Variants in AIM2 observed in about 807,000 individuals in gnomAD.
The protein encoded by AIM2 is interferon-inducible protein AIM2.
Under a neutral mutation model 27.7 loss-of-function variants are expected in AIM2, and 30 were observed. The ratio of observed to expected loss-of-function variants is 1.08; its 90% CI spans 0.81 to 1.47. The LOEUF (loss-of-function observed/expected upper bound fraction) is 1.47. Ranked by LOEUF, AIM2 falls within the 40% of genes most tolerant of loss-of-function variation. The pLI is 0.00. For synonymous variants in AIM2, 141 were observed against 145.3 expected, an observed-to-expected ratio of 0.97 and a Z score of 0.21; for missense variants, 358 against 411.3, an observed-to-expected ratio of 0.87 and a Z score of 1.12.
At chr1:159,070,453 G>A (rs1202469443) in intron 2 of AIM2, among the ~76,000 whole-genome samples, 3 of 152,138 alleles carry the variant, frequency 2.0e-5, no homozygotes, top group Non-Finnish European at 4.4e-5. Context: ...ATATGTTATC[G>A]TGAAAAGCCA....
chr1:159,106,517 T>G (rs1311603053), intron 1 of AIM2, among the ~76,000 whole-genome samples: 2 of 152,242 alleles, frequency 1.3e-5, no homozygotes, highest in South Asian at 2.1e-4. Flanking sequence ...AAGAAAAAAT[T>G]TTTCTCTTTC....
chr1:159,057,990 C>T (rs1409676686), downstream of AIM2, among the ~76,000 whole-genome samples: 1 of 152,136 alleles, frequency 6.6e-6, no homozygotes, highest in African/African-American at 2.4e-5. Flanking sequence ...TCCTCAAATG[C>T]CTGTGAGTTG....
intron 3 of AIM2, among the ~76,000 whole-genome samples, chr1:159,067,232 T>C (rs1656142979): frequency 6.6e-6 from 1 of 152,152 alleles, no homozygotes; most frequent in Non-Finnish European, 1.5e-5. Context: ...TTTACCAACA[T>C]CAATGTATTT....
chr1:159,105,358 C>T (rs1254223910), intron 1 of AIM2, among the ~76,000 whole-genome samples: 1 of 152,190 alleles, frequency 6.6e-6, no homozygotes, highest in Non-Finnish European at 1.5e-5. Context: ...GCCCGTGGAC[C>T]CCCTTGGTCT....
At chr1:159,125,135 T>A (rs2102044011) in intron 1 of AIM2, among the ~76,000 whole-genome samples, 1 of 152,248 alleles carries the variant, frequency 6.6e-6, no homozygotes, top group African/African-American at 2.4e-5. Flanking sequence ...GAGTATGTTG[T>A]GAGTTGGTAA....
At chr1:159,066,807 G>A (rs1217819018) in intron 3 of AIM2, among the ~76,000 whole-genome samples, 1 of 152,156 alleles carries the variant, frequency 6.6e-6, no homozygotes, top group African/African-American at 2.4e-5. Context: ...AATTCCTAGG[G>A]AGCATTGTAC....
intron 1 of AIM2, among the ~76,000 whole-genome samples, chr1:159,105,055 T>G (rs1280949040): frequency 6.6e-6 from 1 of 152,170 alleles, no homozygotes; most frequent in African/African-American, 2.4e-5. Context: ...AGGCTGTGCT[T>G]GGCCTACACT....
chr1:159,060,505 A>G (rs1435495024), downstream of AIM2, among the ~76,000 whole-genome samples: 1 of 152,224 alleles, frequency 6.6e-6, no homozygotes, highest in Non-Finnish European at 1.5e-5. Flanking sequence ...AAAAGTTAAG[A>G]TAGAGAATAG....
chr1:159,098,683 G>A (rs1202356873), intron 1 of AIM2, among the ~76,000 whole-genome samples: 2 of 152,170 alleles, frequency 1.3e-5, no homozygotes, highest in Non-Finnish European at 2.9e-5. Flanking sequence ...GTAAGAGATA[G>A]GGATTAGAGA....
intron 2 of AIM2, among the ~76,000 whole-genome samples, chr1:159,073,013 C>A (rs529143628): frequency 6.6e-6 from 1 of 152,256 alleles, no homozygotes; most frequent in Non-Finnish European, 1.5e-5. Context: ...AACCCTAAGG[C>A]TGGAAGAAGA....
intron 1 of AIM2, among the ~76,000 whole-genome samples, chr1:159,087,573 C>CTTTTT (rs55908329): frequency 8.6e-6 from 1 of 116,818 alleles, no homozygotes; most frequent in Non-Finnish European, 1.9e-5. Context: ...TGGATAAAGT[C>CTTTTT]TTTTTTTTTT....
At chr1:159,108,938 G>A (rs761985786) in intron 1 of AIM2, among the ~76,000 whole-genome samples, 2 of 152,120 alleles carry the variant, frequency 1.3e-5, no homozygotes, top group Non-Finnish European at 2.9e-5. Context: ...GGGATGGGTA[G>A]AATTAAAATT....
intron 1 of AIM2, among the ~76,000 whole-genome samples, chr1:159,135,912 C>T (rs916721820): frequency 1.3e-5 from 2 of 152,166 alleles, no homozygotes; most frequent in African/African-American, 4.8e-5. Context: ...TAGTCTAATT[C>T]CATCTCTGTA....
At chr1:159,111,806 A>C (rs79933529) in intron 1 of AIM2, among the ~76,000 whole-genome samples, 3 of 144,424 alleles carry the variant, frequency 2.1e-5, no homozygotes, top group Non-Finnish European at 4.6e-5. Context: ...AAAAAAAAAA[A>C]AAAAAAAACT....
At chr1:159,068,763 CA>C in intron 2 of AIM2, 62 bp from the exon 3 acceptor site, 1 of 1,484,888 alleles carries the variant, frequency 6.7e-7, no homozygotes, top group Non-Finnish European at 9.2e-7. Flanking sequence ...TGCACATTTT[CA>C]AATGTCACCA....
At chr1:159,081,710 CT>C, upstream of AIM2, 1 of 222,466 alleles carries the variant, frequency 4.5e-6, no homozygotes. Flanking sequence ...ATTAAGTTAA[CT>C]TTAAAAAAAG....
intron 1 of AIM2, among the ~76,000 whole-genome samples, chr1:159,123,138 A>G (rs1335782151): frequency 1.3e-5 from 2 of 152,232 alleles, no homozygotes; most frequent in Non-Finnish European, 2.9e-5. Flanking sequence ...TAGTAAGACT[A>G]ATAAAATCTC....
chr1:159,061,962 G>A (rs1655852755), downstream of AIM2, among the ~76,000 whole-genome samples: 1 of 152,150 alleles, frequency 6.6e-6, no homozygotes, highest in Admixed American at 6.5e-5. Flanking sequence ...AGCTGTTTAT[G>A]AAAAGCCAAT....
At chr1:159,138,957 C>A (rs1291447257) in intron 1 of AIM2, among the ~76,000 whole-genome samples, 1 of 152,178 alleles carries the variant, frequency 6.6e-6, no homozygotes, top group African/African-American at 2.4e-5. Flanking sequence ...CTTTAAAATA[C>A]AGTAATTATG....
Sources: allele counts gnomAD v4.1 joint callset (sites outside exome capture counted in the v4.1 genomes callset), GRCh38; gene constraint gnomAD v4.1.1; transcripts MANE v1.5; gene names NCBI Gene and HGNC (gene_info 2026-07-23, HGNC 2026-07-21).